Variants in CELF2 observed in about 807,000 individuals in gnomAD.
CELF2 encodes the protein CUG triplet repeat RNA-binding protein 2.
Under a neutral mutation model 62.6 loss-of-function variants are expected in CELF2, and 8 were observed. The observed-to-expected ratio is 0.13, with a 90% CI of 0.07 to 0.23. The LOEUF (loss-of-function observed/expected upper bound fraction) is 0.23, where lower values mean the gene tolerates loss of function less well. Ranked by LOEUF, CELF2 falls within the 10% of genes least tolerant of loss-of-function variation. CELF2 has a pLI of 1.00. For synonymous variants in CELF2, 258 were observed against 250.0 expected (o/e 1.03, Z -0.30); for missense variants, 333 against 671.0 (o/e 0.50, Z 5.56).
At chr10:10,598,613 T>G in the CELF2 span, among the ~76,000 whole-genome samples, 5 of 152,186 alleles carry the variant, frequency 3.3e-5, no homozygotes, top group Non-Finnish European at 7.3e-5. Context: ...GTGCAGGTTA[T>G]TGTGTGCCTA....
chr10:10,849,733 G>A (rs182730431), intron 1 of CELF2, among the ~76,000 whole-genome samples: 6 of 152,064 alleles, frequency 3.9e-5, no homozygotes, highest in African/African-American at 9.6e-5. Flanking sequence ...TTTATCATAC[G>A]TGTGTGTGTA....
intron 2 of CELF2, among the ~76,000 whole-genome samples, chr10:11,192,168 T>C (rs985430552): frequency 2.6e-5 from 4 of 152,162 alleles, no homozygotes; most frequent in Non-Finnish European, 5.9e-5. Flanking sequence ...GGTGCTTGCG[T>C]TCAGTCATGG....
chr10:11,263,685 C>T (rs748776456), intron 5 of CELF2, among the ~76,000 whole-genome samples: 2 of 152,220 alleles, frequency 1.3e-5, no homozygotes, highest in Non-Finnish European at 2.9e-5. Context: ...GAGAAAAAGC[C>T]AGCAGCCAGT....
rs528851084 is a variant in CELF2 at position 10,920,549 on chromosome 10, G to A, written c.89+550G>A. Reference sequence around the variant, plus strand: ...AAATTAATATGTAATTGATCATTGTGCTTTATATGTAATTTATCAATGTGT... The same window carrying A: ...AAATTAATATGTAATTGATCATTGTACTTTATATGTAATTTATCAATGTGT... On this transcript the variant is annotated intron_variant, in intron 2 of 13. Transcript: ENST00000636488. Among the ~76,000 whole-genome samples, 96 of 152,122 alleles carry A rather than the reference G, an allele frequency of 6.3e-4. 1 individual carries two copies. Among genetic ancestry groups the A allele is most frequent in the Admixed American group, 1.3e-3 (20 of 15,280 alleles).
intron 2 of CELF2, among the ~76,000 whole-genome samples, chr10:11,213,886 G>A (rs1452957527): frequency 2.0e-5 from 3 of 152,208 alleles, no homozygotes; most frequent in Non-Finnish European, 4.4e-5. Flanking sequence ...TAGAAGTAAA[G>A]AATGCTTTTG....
intron 1 of CELF2, among the ~76,000 whole-genome samples, chr10:10,812,495 G>T (rs1392923249): frequency 6.6e-6 from 1 of 152,116 alleles, no homozygotes. Context: ...TCAATTTCTT[G>T]ATGATCTCTT....
chr10:10,524,203 G>A, the CELF2 span, among the ~76,000 whole-genome samples: 50 of 152,136 alleles, frequency 3.3e-4, no homozygotes, highest in African/African-American at 1.2e-3. Context: ...AAGAAAACTA[G>A]GGTGGCAATG....
the CELF2 span, among the ~76,000 whole-genome samples, chr10:10,494,407 T>G: frequency 6.6e-6 from 1 of 152,236 alleles, no homozygotes; most frequent in Non-Finnish European, 1.5e-5. Context: ...CTATTCCCAC[T>G]CAGAGAAATG....
At position 11,324,836 on chromosome 10, in the gene CELF2, TC is replaced by T. The variant is rs1202500926; in HGVS notation, c.1295-998del. Among the ~76,000 whole-genome samples, 1 of 152,140 alleles carries T rather than the reference TC, an allele frequency of 6.6e-6. No homozygotes were observed. The highest frequency in any genetic ancestry group is 2.4e-5 in the African/African-American group (1 of 41,422). ...TGCCTAGTTGGGCAGGCAGGCCTGT[TC>T]CTCTCCTGTGAAGGCCAGTTGAGGA... is the stretch of plus-strand genomic sequence containing the variant. On this transcript the variant is annotated intron_variant, in intron 11 of 12. Coordinates refer to ENST00000633077, the MANE Select transcript of CELF2 (RefSeq NM_001326342.2). The surrounding 1 kb of genome is among the most constrained non-coding windows in gnomAD (Gnocchi z 4.7).
intron 1 of CELF2, among the ~76,000 whole-genome samples, chr10:11,103,347 C>A (rs201793089): frequency 7.5e-6 from 1 of 133,786 alleles, no homozygotes; most frequent in African/African-American, 2.8e-5. Context: ...TTTTTTTTTG[C>A]TTTTTTTATT....
the CELF2 span, among the ~76,000 whole-genome samples, chr10:10,547,998 G>T: frequency 2.6e-5 from 4 of 152,032 alleles, no homozygotes; most frequent in Non-Finnish European, 4.4e-5. Flanking sequence ...ATGATTTTTC[G>T]ATTTCATGTT....
intron 1 of CELF2, among the ~76,000 whole-genome samples, chr10:11,115,742 A>G (rs887023676): frequency 2.6e-5 from 4 of 152,266 alleles, no homozygotes; most frequent in African/African-American, 9.6e-5. Flanking sequence ...ACTGAAATGC[A>G]TGATGAAAAC....
intron 1 of CELF2, among the ~76,000 whole-genome samples, chr10:11,085,221 A>G (rs1425283359): frequency 6.6e-6 from 1 of 152,216 alleles, no homozygotes; most frequent in Non-Finnish European, 1.5e-5. Context: ...ATTGGAAATC[A>G]TTTTCCAGTT....
chr10:10,937,121 C>CTTTTTTTTTTTTTTTTTTTTTTTTTTTT (rs373143426), intron 2 of CELF2, among the ~76,000 whole-genome samples: 94 of 90,490 alleles, frequency 1.0e-3, no homozygotes, highest in Non-Finnish European at 1.3e-3. Flanking sequence ...TTTTTCTTTT[C>CTTTTTTTTTTTTTTTTTTTTTTTTTTTT]TTTTTTTTTT....
At chr10:10,960,298 C>T (rs1050097296) in intron 2 of CELF2, 1 of 152,250 alleles carries the variant, frequency 6.6e-6, no homozygotes, top group Non-Finnish European at 1.5e-5. Flanking sequence ...CACTTGAAGA[C>T]AGCATTCTTC....
chr10:11,252,790 T>A (rs1223581380), intron 4 of CELF2, among the ~76,000 whole-genome samples: 1 of 152,190 alleles, frequency 6.6e-6, no homozygotes. Context: ...AATCCCACTC[T>A]GGAGAAGCAA....
At chr10:11,040,453 G>C (rs976952062) in intron 1 of CELF2, among the ~76,000 whole-genome samples, 1 of 152,166 alleles carries the variant, frequency 6.6e-6, no homozygotes. Flanking sequence ...AATTTGTACA[G>C]AATTTTAATT....
chr10:11,213,153 C>T (rs1357295376), intron 2 of CELF2, among the ~76,000 whole-genome samples: 3 of 152,172 alleles, frequency 2.0e-5, no homozygotes, highest in Non-Finnish European at 4.4e-5. Flanking sequence ...GGTGGGTTTC[C>T]CAGAATGAAT....
intron 1 of CELF2, among the ~76,000 whole-genome samples, chr10:10,872,388 G>A (rs1187069986): frequency 2.0e-5 from 3 of 152,206 alleles, no homozygotes; most frequent in Non-Finnish European, 4.4e-5. Context: ...AAAAAAATCA[G>A]TCACTGCTGA....
Sources: gnomAD v4.1 joint callset for allele counts (sites outside exome capture counted in the v4.1 genomes callset) on GRCh38, gnomAD v4.1.1 for gene constraint, Gnocchi (gnomAD v3.1) non-coding constraint, MANE v1.5 for transcripts, NCBI Gene and HGNC (gene_info 2026-07-23, HGNC 2026-07-21) for gene names.